CRTC2: variants seen among roughly 807,000 people sequenced by gnomAD.
CRTC2 encodes CREB-regulated transcription coactivator 2.
CRTC2 carries 25 observed loss-of-function variants against 70.9 expected under a neutral mutation model. That is an observed-to-expected ratio of 0.35 (90% CI 0.26 to 0.49). The LOEUF (loss-of-function observed/expected upper bound fraction) is 0.49, where lower values mean the gene tolerates loss of function less well. CRTC2 is among the 20% of genes least tolerant of loss of function. The pLI, the probability that CRTC2 is intolerant of heterozygous loss-of-function variation, is 0.98. For missense variants in CRTC2, 737 were observed against 882.6 expected, an observed-to-expected ratio of 0.83 and a Z score of 2.09; for synonymous variants, 330 against 364.1, an observed-to-expected ratio of 0.91 and a Z score of 1.07.
rs377179162 is a variant in CRTC2 at position 153,948,063 on chromosome 1, G to A, written c.*46C>T. 224 of 1,569,464 alleles carry A rather than the reference G, an allele frequency of 1.4e-4. No homozygotes were observed. Among genetic ancestry groups the A allele is most frequent in the Middle Eastern group, 1.8e-4 (1 of 5,502 alleles). On this transcript the variant is annotated 3_prime_UTR_variant, in exon 14 of 14. Coordinates refer to ENST00000368633, the MANE Select transcript of CRTC2 (RefSeq NM_181715.3). ...GCCAGGGGGAAGGGAGGAAAGGAAT[G>A]GTGGTGGGGGATGGGGCCAAGAAGA...
At chr1:153,952,515 C>T in intron 8 of CRTC2, 56 bp downstream of exon 8, 1 of 1,612,680 alleles carries the variant, frequency 6.2e-7, no homozygotes. Context: ...AGGCCTGCCC[C>T]ATGGCAAGGG....
At position 153,951,168 on chromosome 1, in the gene CRTC2, T is replaced by G; in HGVS notation, c.1404+92A>C. The G allele has an allele frequency of 2.3e-6, 3 of 1,288,654 alleles. No homozygotes were observed. In the South Asian group the frequency reaches 3.9e-5, roughly 17 times the overall value. 79.8% of individuals were successfully genotyped at this position (1,288,654 alleles called of 1,614,324 possible). On this transcript the variant is annotated intron_variant, in intron 11 of 13. Transcript: ENST00000368633. ...GGAATGGAAGGGGATGAGTATAGAG[T>G]AGGTATTTCAGGAAAGGAGGGTGGG... is the stretch of plus-strand genomic sequence containing the variant.
chr1:153,958,579 T>C lies in CRTC2; in HGVS notation c.-82A>G, dbSNP rs901469860. ...GGCCTCGGCCCGGCTCCTCCAGCCGTAGCCACCGCCGCCTCAGCGAGCACC... is the reference window on the plus strand; with the variant it reads ...GGCCTCGGCCCGGCTCCTCCAGCCGCAGCCACCGCCGCCTCAGCGAGCACC... On this transcript the variant is annotated 5_prime_UTR_variant, in exon 1 of 14. Coordinates refer to ENST00000368633, the MANE Select transcript of CRTC2 (RefSeq NM_181715.3). 53 of 1,369,312 alleles carry C rather than the reference T, an allele frequency of 3.9e-5. No homozygotes were observed. Among genetic ancestry groups the C allele is most frequent in the Non-Finnish European group, 4.7e-5 (48 of 1,022,326 alleles). The allele number at this position is 1,369,312 out of a possible 1,614,324, so 84.8% of individuals were successfully genotyped here.
At chr1:153,951,793 C>A in intron 10 of CRTC2, 127 bp from the exon 11 acceptor site, 2 of 1,113,964 alleles carry the variant, frequency 1.8e-6, no homozygotes, top group African/African-American at 1.6e-5. Context: ...CTACTCTATC[C>A]CTGACAGCAC....
At chr1:153,954,437 T>G in intron 3 of CRTC2, 121 bp from the exon 4 acceptor site, 1 of 730,670 alleles carries the variant, frequency 1.4e-6, no homozygotes, top group Non-Finnish European at 2.5e-6. Context: ...TCCTCTTCTA[T>G]AAGGGACAAC....
chr1:153,947,885 A>G lies in CRTC2; in HGVS notation c.*224T>C. On this transcript the variant is annotated 3_prime_UTR_variant, in exon 14 of 14. Coordinates refer to ENST00000368633, the MANE Select transcript of CRTC2 (RefSeq NM_181715.3). ...CTCCAGACAGACGGTTCAAAGTTAC[A>G]AGTGCTTTAGGCCCTCCCTTGAGTT... is the stretch of plus-strand genomic sequence containing the variant. The G allele has an allele frequency of 1.7e-6, 1 of 577,322 alleles. No individual in the cohort carries two copies. The highest frequency in any genetic ancestry group is 3.1e-6 in the Non-Finnish European group (1 of 323,838). 35.8% of individuals were successfully genotyped at this position (577,322 alleles called of 1,614,324 possible).
chr1:153,948,526 TG>T lies in CRTC2; in HGVS notation c.1792del (p.His598ThrfsTer8). On this transcript the variant is annotated frameshift_variant, in exon 13 of 14. Coordinates refer to ENST00000368633, the MANE Select transcript of CRTC2 (RefSeq NM_181715.3). LOFTEE classifies it high-confidence loss of function. ...GGTCAAGTTCTGGTGGTTGAAGGTG[TG>T]GGGATCCTGGGGGCCACCCATTGGC... ...EGPMGGPQDP[H>X]TFNHQNLTHC... is the part of the protein sequence containing the mutation. The T allele has an allele frequency of 6.2e-7, 1 of 1,612,650 alleles. No individual in the cohort carries two copies.
intron 1 of CRTC2, among the ~76,000 whole-genome samples, chr1:153,956,484 G>A (rs1046785104): frequency 1.3e-5 from 2 of 152,210 alleles, no homozygotes; most frequent in East Asian, 1.9e-4. Context: ...GGGGAGGAGG[G>A]CAGCTGAGGA....
chr1:153,955,652 G>T (rs1038474392), intron 1 of CRTC2, among the ~76,000 whole-genome samples: 2 of 144,750 alleles, frequency 1.4e-5, no homozygotes, highest in Non-Finnish European at 3.0e-5. Flanking sequence ...CACTCTAGCC[G>T]CCTGGGTGAC....
chr1:153,948,588 G>T lies in CRTC2; in HGVS notation c.1731C>A (p.Gly577=). ...CTAAAAATCCAGGCCCTTCAGAAAA[G>T]CCAGGGGGATCCAGCACCAGGCTGG... ...PSASLVLDPP[G]FSEGPGFLGG... The change falls in exon 13 of 14, where the codon GGC becomes GGA. Residue 577 remains glycine, a synonymous_variant. Coordinates refer to ENST00000368633, the MANE Select transcript of CRTC2 (RefSeq NM_181715.3). 1.9e-6 allele frequency: 3 copies of T among 1,607,124 alleles called. No homozygotes were observed. Among genetic ancestry groups the T allele is most frequent in the Non-Finnish European group, 2.5e-6 (3 of 1,177,252 alleles).
In CRTC2 at chr1:153,948,660, C is replaced by A. The variant is rs1680155287; in HGVS notation, c.1675-16G>T. ...ACTGCTCCAGCTATAGACATACAGA[C>A]AAATCTTTAGGAAGTAGGATTTAGA... On this transcript the variant is annotated splice_polypyrimidine_tract_variant and intron_variant, in intron 12 of 13. Transcript: ENST00000368633. 1 of 1,569,072 alleles carries A rather than the reference C, an allele frequency of 6.4e-7. No homozygotes were observed. Among genetic ancestry groups the A allele is most frequent in the South Asian group, 1.2e-5 (1 of 83,972 alleles).
At chr1:153,949,721 C>G (rs575556813) in intron 11 of CRTC2, among the ~76,000 whole-genome samples, 2 of 152,012 alleles carry the variant, frequency 1.3e-5, no homozygotes, top group African/African-American at 2.4e-5. Context: ...TGGTAGCAGG[C>G]GTCTGTAGTC....
intron 13 of CRTC2, 22 bp from the exon 14 acceptor site, chr1:153,948,351 G>A: frequency 6.2e-7 from 1 of 1,613,846 alleles, no homozygotes; most frequent in Non-Finnish European, 8.5e-7. Flanking sequence ...AGAGACAGGT[G>A]AGGACCCCAT....
Position 153,958,586 on chromosome 1 carries a change from C to T in CRTC2, c.-89G>A, listed in dbSNP as rs568922309. On this transcript the variant is annotated 5_prime_UTR_variant, in exon 1 of 14. Coordinates refer to ENST00000368633, the MANE Select transcript of CRTC2 (RefSeq NM_181715.3). ...GCCCGGCTCCTCCAGCCGTAGCCAC[C>T]GCCGCCTCAGCGAGCACCGCGAACC... is the stretch of plus-strand genomic sequence containing the variant. The T allele has an allele frequency of 8.9e-6, 12 of 1,342,056 alleles. No homozygotes were observed. The Admixed American group carries it at 2.6e-4, about 29-fold the overall frequency. 83.1% of individuals were successfully genotyped at this position (1,342,056 alleles called of 1,614,324 possible).
chr1:153,950,843 G>C (rs1680278315), intron 11 of CRTC2, among the ~76,000 whole-genome samples: 1 of 152,172 alleles, frequency 6.6e-6, no homozygotes, highest in African/African-American at 2.4e-5. Flanking sequence ...ATATAAAACA[G>C]ACAGGAACAG....
At position 153,951,264 on chromosome 1, in the gene CRTC2, G is replaced by C; in HGVS notation, c.1400C>G (p.Thr467Ser). Residue 467 changes from threonine to serine, a missense_variant, in exon 11 of 14, where the codon ACT becomes AGT. By Grantham distance (58) the Thr-to-Ser change is moderately conservative (BLOSUM62 1). Around this residue, in one of 3 missense-constraint regions of CRTC2, gnomAD observed 699 missense variants for 823.7 expected, o/e 0.85. Coordinates refer to ENST00000368633, the MANE Select transcript of CRTC2 (RefSeq NM_181715.3). ...PTMSPTLSSITQGVPLDTSKL... is the reference protein window; with the variant it reads ...PTMSPTLSSISQGVPLDTSKL... ...AGGGAAGGCAGCCACGCATACCTGA[G>C]TGATGGAAGACAAGGTGGGTGACAT... 1 of 1,613,996 alleles carries C rather than the reference G, an allele frequency of 6.2e-7. No individual in the cohort carries two copies. The highest frequency in any genetic ancestry group is 1.3e-5 in the African/African-American group (1 of 75,046).
rs750938869 is a variant in CRTC2, at chr1:153,951,302, CTGTT to C, written c.1358_1361del (p.Lys453SerfsTer98). On this transcript the variant is annotated frameshift_variant, in exon 11 of 14. Transcript: ENST00000368633. LOFTEE classifies it high-confidence loss of function. ...AGGTGGGTGACATTGTTGGCGAAAA[CTGTT>C]TGGGCAGCTGCTGTTGGGACCTTCT... is the stretch of plus-strand genomic sequence containing the variant. 4 of 1,614,060 alleles carry C rather than the reference CTGTT, an allele frequency of 2.5e-6. No homozygotes were observed. Among genetic ancestry groups the C allele is most frequent in the South Asian group, 1.1e-5 (1 of 91,072 alleles).
Position 153,958,610 on chromosome 1 carries a change from C to G in CRTC2, c.-113G>C. 3 of 1,144,460 alleles carry G rather than the reference C, an allele frequency of 2.6e-6. No homozygotes were observed. The highest frequency in any genetic ancestry group is 3.6e-6 in the Non-Finnish European group (3 of 830,400). The allele number at this position is 1,144,460 out of a possible 1,614,324, so 70.9% of individuals were successfully genotyped here. Reference sequence around the variant, plus strand: ...CCGCCGCCTCAGCGAGCACCGCGAACCCGGCCCCAGCCTAGCCCTGACCTG... The same window carrying G: ...CCGCCGCCTCAGCGAGCACCGCGAAGCCGGCCCCAGCCTAGCCCTGACCTG... On this transcript the variant is annotated 5_prime_UTR_variant, in exon 1 of 14. Transcript: ENST00000368633.
chr1:153,949,440 T>A lies in CRTC2; in HGVS notation c.1405-56A>T, dbSNP rs1571071408. The A allele has an allele frequency of 9.9e-6, 15 of 1,508,392 alleles. No homozygotes were observed. In the East Asian group the frequency reaches 3.4e-4, roughly 34 times the overall value. The allele number at this position is 1,508,392 out of a possible 1,614,324, so 93.4% of individuals were successfully genotyped here. ...TGCTCAGTGTATACCCCAAGAACTC[T>A]CAGTCAGAGCTTCCCACCTTCTTTA... On this transcript the variant is annotated intron_variant, in intron 11 of 13. Coordinates refer to ENST00000368633, the MANE Select transcript of CRTC2 (RefSeq NM_181715.3).
Sources: allele counts gnomAD v4.1 joint callset (sites outside exome capture counted in the v4.1 genomes callset), GRCh38; gene constraint gnomAD v4.1.1; regional missense constraint gnomAD v4.1.1; transcripts MANE v1.5; gene names NCBI Gene and HGNC (gene_info 2026-07-23, HGNC 2026-07-21).